The following HS6ST3 variants were observed in gnomAD, a reference collection of about 807,000 sequenced individuals.
HS6ST3 encodes the protein heparan sulfate 6-O-sulfotransferase 3, also known as heparan-sulfate 6-O-sulfotransferase 3.
A neutral mutation model predicts 36.7 loss-of-function variants in HS6ST3; 12 were observed. The observed-to-expected ratio is 0.33, with a 90% CI of 0.21 to 0.53. The LOEUF (loss-of-function observed/expected upper bound fraction) is 0.53, where lower values mean the gene tolerates loss of function less well. Among genes scored for constraint, HS6ST3 ranks in the 20% least tolerant of loss-of-function variants. HS6ST3 has a pLI of 0.95. For synonymous variants in HS6ST3, 240 were observed against 257.5 expected, an observed-to-expected ratio of 0.93 and a Z score of 0.65; for missense variants, 584 against 640.9, an observed-to-expected ratio of 0.91 and a Z score of 0.96.
chr13:96,454,792 G>A (rs1040403992), intron 1 of HS6ST3, among the ~76,000 whole-genome samples: 28 of 151,348 alleles, frequency 1.9e-4, no homozygotes, highest in African/African-American at 6.8e-4. Context: ...AAGACTTTGA[G>A]TCTAAAAACT....
chr13:96,734,859 C>T (rs1876243568), intron 1 of HS6ST3, among the ~76,000 whole-genome samples: 1 of 152,134 alleles, frequency 6.6e-6, no homozygotes, highest in Non-Finnish European at 1.5e-5. Flanking sequence ...TCACACCCAC[C>T]AGTGTAGCTT....
chr13:96,603,265 C>A (rs1039844548), intron 1 of HS6ST3, among the ~76,000 whole-genome samples: 3 of 152,120 alleles, frequency 2.0e-5, no homozygotes, highest in Non-Finnish European at 4.4e-5. Flanking sequence ...AACCATGATG[C>A]CGATTTCTGT....
chr13:96,464,335 G>T (rs1313668386), intron 1 of HS6ST3, among the ~76,000 whole-genome samples: 50 of 151,784 alleles, frequency 3.3e-4, no homozygotes, highest in Non-Finnish European at 8.8e-5. Context: ...CAAATTTGAG[G>T]CTGATCTCCC....
chr13:96,155,728 G>A (rs1271807361), intron 1 of HS6ST3, among the ~76,000 whole-genome samples: 2 of 152,088 alleles, frequency 1.3e-5, no homozygotes, highest in African/African-American at 2.4e-5. Context: ...ATCTTGATCT[G>A]CAATTTATCA....
chr13:96,187,693 A>G (rs72638065), intron 1 of HS6ST3, among the ~76,000 whole-genome samples: 2,698 of 152,294 alleles, frequency 0.018, 44 homozygotes, highest in Non-Finnish European at 0.028. Context: ...CAGATCCTAA[A>G]CATCCTGACA....
At chr13:96,110,678 C>A (rs538554775) in intron 1 of HS6ST3, among the ~76,000 whole-genome samples, 1 of 152,274 alleles carries the variant, frequency 6.6e-6, no homozygotes, top group South Asian at 2.1e-4. Context: ...CCCGCCTCGG[C>A]CTCCCAAAGT....
chr13:96,319,221 C>T (rs1327383049), intron 1 of HS6ST3, among the ~76,000 whole-genome samples: 1 of 152,152 alleles, frequency 6.6e-6, no homozygotes. Context: ...AAAAAGTGGT[C>T]TTCTATAAAT....
At position 96,428,241 on chromosome 13, in the gene HS6ST3, C is replaced by T. The variant is rs181363473; in HGVS notation, c.707+336672C>T. Among the ~76,000 whole-genome samples, 808 of 152,154 alleles carry T rather than the reference C, an allele frequency of 5.3e-3. 6 individuals are homozygous for T. The highest frequency in any genetic ancestry group is 0.015 in the Admixed American group (236 of 15,270). On this transcript the variant is annotated intron_variant, in intron 1 of 1. Coordinates refer to ENST00000376705, the MANE Select transcript of HS6ST3 (RefSeq NM_153456.4). ...GCACATACCTGTAGTCCCAGCTACT[C>T]AGGAGGCTGAGGCAGAAGAATCGCT...
At chr13:96,696,001 C>T (rs1875116894) in intron 1 of HS6ST3, among the ~76,000 whole-genome samples, 1 of 152,096 alleles carries the variant, frequency 6.6e-6, no homozygotes, top group Admixed American at 6.6e-5. Context: ...GTAAAGAACA[C>T]TACATAGGGA....
At chr13:96,707,776 A>G (rs1875464236) in intron 1 of HS6ST3, among the ~76,000 whole-genome samples, 1 of 152,224 alleles carries the variant, frequency 6.6e-6, no homozygotes, top group South Asian at 2.1e-4. Flanking sequence ...TGTAGAAAGA[A>G]TGGAAGATGA....
chr13:96,129,769 A>G (rs577729765), intron 1 of HS6ST3, among the ~76,000 whole-genome samples: 71 of 152,352 alleles, frequency 4.7e-4, no homozygotes, highest in African/African-American at 1.6e-3. Context: ...ACCTGAATCC[A>G]GTATGACTGG....
intron 1 of HS6ST3, among the ~76,000 whole-genome samples, chr13:96,300,445 G>A (rs1039723667): frequency 3.3e-5 from 5 of 152,016 alleles, no homozygotes; most frequent in East Asian, 1.9e-4. Context: ...TGATCCAGTC[G>A]CCTCCCACCA....
At chr13:96,703,748 G>A (rs536419091) in intron 1 of HS6ST3, among the ~76,000 whole-genome samples, 20 of 152,266 alleles carry the variant, frequency 1.3e-4, no homozygotes, top group Non-Finnish European at 2.6e-4. Flanking sequence ...GTCTGACATG[G>A]TTTGGCTCTG....
chr13:96,645,411 A>G (rs1319913071), intron 1 of HS6ST3, among the ~76,000 whole-genome samples: 2 of 151,462 alleles, frequency 1.3e-5, no homozygotes, highest in African/African-American at 4.8e-5. Flanking sequence ...TGTCTAATGG[A>G]ATCTATAAGA....
chr13:96,119,005 C>T lies in HS6ST3; in HGVS notation c.707+27436C>T, dbSNP rs955612857. Among the ~76,000 whole-genome samples, 15 of 151,826 alleles carry T rather than the reference C, an allele frequency of 9.9e-5. No individual in the cohort carries two copies. The East Asian group carries it at 1.4e-3, about 14-fold the overall frequency. Reference sequence around the variant, plus strand: ...GATTACAGGCGTGAGCCACCGCGCCCGGCCACATTAAAGATATTTGCTGGA... The same window carrying T: ...GATTACAGGCGTGAGCCACCGCGCCTGGCCACATTAAAGATATTTGCTGGA... On this transcript the variant is annotated intron_variant, in intron 1 of 1. Transcript: ENST00000376705.
At chr13:96,367,117 A>G (rs958016266) in intron 1 of HS6ST3, among the ~76,000 whole-genome samples, 1 of 152,216 alleles carries the variant, frequency 6.6e-6, no homozygotes, top group Non-Finnish European at 1.5e-5. Flanking sequence ...ATAAATTGCT[A>G]AACTGAGCCA....
rs1418132127 is a variant in HS6ST3 at position 96,172,668 on chromosome 13, C to T, written c.707+81099C>T. Among the ~76,000 whole-genome samples the T allele has an allele frequency of 2.6e-5, 4 of 152,174 alleles. No individual in the cohort carries two copies. The South Asian group carries it at 8.3e-4, about 32-fold the overall frequency. Reference sequence around the variant, plus strand: ...TAAAACAGTCACTGTAGAGTTCAGTCCACAAGTGGCTCAGGTGCATCTTAT... The same window carrying T: ...TAAAACAGTCACTGTAGAGTTCAGTTCACAAGTGGCTCAGGTGCATCTTAT... On this transcript the variant is annotated intron_variant, in intron 1 of 1. Coordinates refer to ENST00000376705, the MANE Select transcript of HS6ST3 (RefSeq NM_153456.4).
chr13:96,610,471 C>G lies in HS6ST3; in HGVS notation c.708-222019C>G, dbSNP rs576131875. Among the ~76,000 whole-genome samples the G allele has an allele frequency of 2.6e-5, 4 of 152,200 alleles. No homozygotes were observed. The East Asian group carries it at 7.7e-4, about 29-fold the overall frequency. On this transcript the variant is annotated intron_variant, in intron 1 of 1. Coordinates refer to ENST00000376705, the MANE Select transcript of HS6ST3 (RefSeq NM_153456.4). ...ATTATGATTTATTCTAATCAGCACC[C>G]AGAAGTATCAGGAACTGGTGTTATT...
chr13:96,784,207 C>G (rs1877588438), intron 1 of HS6ST3, among the ~76,000 whole-genome samples: 1 of 151,962 alleles, frequency 6.6e-6, no homozygotes, highest in African/African-American at 2.4e-5. Context: ...ATGACAGTAA[C>G]AAAACCCCTT....
Sources: allele counts gnomAD v4.1 joint callset (sites outside exome capture counted in the v4.1 genomes callset), GRCh38; gene constraint gnomAD v4.1.1; transcripts MANE v1.5; gene names NCBI Gene and HGNC (gene_info 2026-07-23, HGNC 2026-07-21).